UTRN: variants seen among roughly 807,000 people sequenced by gnomAD.
UTRN encodes the protein dystrophin-related protein 1.
Under a neutral mutation model 463.9 loss-of-function variants are expected in UTRN, and 283 were observed. That is an observed-to-expected ratio of 0.61 (90% CI 0.55 to 0.67). UTRN has a LOEUF of 0.67. UTRN is among the 30% of genes least tolerant of loss of function. UTRN has a pLI of 0.00. For missense variants in UTRN, 3,922 were observed against 4,084.3 expected, an observed-to-expected ratio of 0.96 and a Z score of 1.08; for synonymous variants, 1,442 against 1,431.5, an observed-to-expected ratio of 1.01 and a Z score of -0.17.
At chr6:144,770,212 G>T (rs1291888268) in intron 58 of UTRN, among the ~76,000 whole-genome samples, 1 of 152,088 alleles carries the variant, frequency 6.6e-6, no homozygotes, top group African/African-American at 2.4e-5. Context: ...GAATTTCCAG[G>T]ATACATACCC....
At chr6:144,360,422 C>CTTAG (rs1778981046) in intron 2 of UTRN, among the ~76,000 whole-genome samples, 1 of 152,134 alleles carries the variant, frequency 6.6e-6, no homozygotes, top group South Asian at 2.1e-4. Context: ...ATCCATCCAC[C>CTTAG]TTAGCCTCTC....
chr6:144,614,625 T>C (rs763445822), intron 51 of UTRN, among the ~76,000 whole-genome samples: 1 of 152,194 alleles, frequency 6.6e-6, no homozygotes, highest in Non-Finnish European at 1.5e-5. Flanking sequence ...AGATATTCCC[T>C]GAACATTGCA....
At chr6:144,729,537 T>C (rs1267495369) in intron 53 of UTRN, among the ~76,000 whole-genome samples, 1 of 152,232 alleles carries the variant, frequency 6.6e-6, no homozygotes, top group Non-Finnish European at 1.5e-5. Context: ...TAGGTGGTTA[T>C]GTGTTTAATT....
intron 53 of UTRN, among the ~76,000 whole-genome samples, chr6:144,729,555 G>T (rs1788297294): frequency 6.6e-6 from 1 of 152,160 alleles, no homozygotes; most frequent in Non-Finnish European, 1.5e-5. Flanking sequence ...ATTTTAAGAG[G>T]ATAACAACAT....
Position 144,511,019 on chromosome 6 carries a change from T to C in UTRN, c.4840T>C (p.Leu1614=). 1 of 1,613,430 alleles carries C rather than the reference T, an allele frequency of 6.2e-7. No homozygotes were observed. Among genetic ancestry groups the C allele is most frequent in the Non-Finnish European group, 8.5e-7 (1 of 1,179,536 alleles). The change falls in exon 35 of 75, where the codon TTG becomes CTG. Residue 1614 remains leucine (L), a synonymous_variant. Coordinates refer to ENST00000367545, the MANE Select transcript of UTRN (RefSeq NM_007124.3). ...AGAGAGTAGTGCTGCCCTGCAAAACTTGATTGAGGGCAGTGAGCCTATTTT... is the reference window on the plus strand; with the variant it reads ...AGAGAGTAGTGCTGCCCTGCAAAACCTGATTGAGGGCAGTGAGCCTATTTT... ...ITESSAALQN[L]IEGSEPILEE...
At chr6:144,556,980 A>G (rs145286366) in intron 49 of UTRN, among the ~76,000 whole-genome samples, 177 bp from the exon 50 acceptor site, 2,252 of 152,286 alleles carry the variant, frequency 0.015, 31 homozygotes, top group Middle Eastern at 0.075. Flanking sequence ...GTTTCTTTTC[A>G]CTTCTACTAA....
At chr6:144,721,186 A>C (rs1324722544) in intron 53 of UTRN, among the ~76,000 whole-genome samples, 2 of 152,114 alleles carry the variant, frequency 1.3e-5, no homozygotes, top group East Asian at 3.9e-4. Context: ...GCGACTTCTA[A>C]AACATGATTT....
chr6:144,522,151 T>C lies in UTRN; in HGVS notation c.5713T>C (p.Phe1905Leu). 6.5e-7 allele frequency: 1 copy of C among 1,540,200 alleles called. No homozygotes were observed. Among genetic ancestry groups the C allele is most frequent in the Non-Finnish European group, 8.7e-7 (1 of 1,144,162 alleles). Residue 1905 changes from phenylalanine (F) to leucine (L), a missense_variant, in exon 40 of 75, where the codon TTT becomes CTT. This residue lies in a region of UTRN where 2,349 missense variants were observed against 2,303.8 expected (regional missense o/e 1.02). Coordinates refer to ENST00000367545, the MANE Select transcript of UTRN (RefSeq NM_007124.3). ...LNTAIYEDFSFQEDSLKNIKD... is the reference protein window; with the variant it reads ...LNTAIYEDFSLQEDSLKNIKD... ...CACTGCTATTTACGAAGACTTCTCT[T>C]TTCAGGAAGACTCTCTGAAGGTAGA... is the stretch of plus-strand genomic sequence containing the variant.
chr6:144,643,567 C>G (rs551020707), intron 51 of UTRN, among the ~76,000 whole-genome samples: 1 of 151,966 alleles, frequency 6.6e-6, no homozygotes, highest in Non-Finnish European at 1.5e-5. Flanking sequence ...GAGGCTGAGG[C>G]GGGCAGATCA....
At chr6:144,546,278 A>G (rs193236603) in intron 46 of UTRN, among the ~76,000 whole-genome samples, 107 of 152,144 alleles carry the variant, frequency 7.0e-4, no homozygotes, top group African/African-American at 2.5e-3. Flanking sequence ...GGCTGTGTGT[A>G]ATGGGTTCTT....
chr6:144,463,804 A>G (rs1056321586), intron 23 of UTRN, among the ~76,000 whole-genome samples: 4 of 151,690 alleles, frequency 2.6e-5, no homozygotes, highest in African/African-American at 4.8e-5. Context: ...ATCTCTGTAT[A>G]TCTATCTATC....
chr6:144,790,736 A>G (rs1336857312), intron 62 of UTRN, among the ~76,000 whole-genome samples: 2 of 152,218 alleles, frequency 1.3e-5, no homozygotes, highest in Non-Finnish European at 2.9e-5. Context: ...ATCTTTTTAT[A>G]ATGATCAGGA....
At chr6:144,706,206 G>T (rs528980956) in intron 53 of UTRN, among the ~76,000 whole-genome samples, 1 of 147,198 alleles carries the variant, frequency 6.8e-6, no homozygotes, top group Non-Finnish European at 1.5e-5. Flanking sequence ...GTAAGAGATT[G>T]CTCTATATTT....
intron 52 of UTRN, among the ~76,000 whole-genome samples, chr6:144,692,546 C>G (rs1783540083): frequency 6.6e-6 from 1 of 152,172 alleles, no homozygotes; most frequent in African/African-American, 2.4e-5. Flanking sequence ...TCAACCTTGT[C>G]AGCATCTGTT....
At chr6:144,628,030 A>T (rs1409074678) in intron 51 of UTRN, among the ~76,000 whole-genome samples, 1 of 151,368 alleles carries the variant, frequency 6.6e-6, no homozygotes, top group African/African-American at 2.4e-5. Flanking sequence ...CGAACTCCTG[A>T]CCTCGTGATC....
intron 60 of UTRN, among the ~76,000 whole-genome samples, chr6:144,776,431 C>T (rs1356426620): frequency 6.6e-6 from 1 of 152,178 alleles, no homozygotes; most frequent in African/African-American, 2.4e-5. Context: ...CAAATCTCCA[C>T]CCAGCATAAG....
At chr6:144,407,099 C>G (rs1783489246) in intron 3 of UTRN, among the ~76,000 whole-genome samples, 1 of 152,006 alleles carries the variant, frequency 6.6e-6, no homozygotes, top group South Asian at 2.1e-4. Context: ...TGTATACTCT[C>G]AAAGTGTTAT....
In UTRN at chr6:144,836,494, A is replaced by C. The variant is rs767912112; in HGVS notation, c.10018A>C (p.Lys3340Gln). The C allele has an allele frequency of 1.9e-5, 31 of 1,613,858 alleles. No individual in the cohort carries two copies. Among genetic ancestry groups the C allele is most frequent in the Admixed American group, 3.3e-5 (2 of 60,002 alleles). Residue 3340 changes from lysine (K) to glutamine (Q), a missense_variant, in exon 71 of 75, where the codon AAA becomes CAA. This residue lies in a region of UTRN where 1,309 missense variants were observed against 1,452.6 expected (regional missense o/e 0.90). Transcript: ENST00000367545. ...GATGCAGATTTTAGAAGATCACAAT[A>C]AACAGCTGGAGTCTCAGCTCCACCG... ...ARMQILEDHNKQLESQLHRLR... is the reference protein window; with the variant it reads ...ARMQILEDHNQQLESQLHRLR...
chr6:144,572,078 T>G (rs1218642902), intron 50 of UTRN, among the ~76,000 whole-genome samples: 1 of 152,170 alleles, frequency 6.6e-6, no homozygotes, highest in African/African-American at 2.4e-5. Flanking sequence ...GATTTCCTCA[T>G]TTTGTCTGAG....
Sources: allele counts gnomAD v4.1 joint callset (sites outside exome capture counted in the v4.1 genomes callset), GRCh38; gene constraint gnomAD v4.1.1; regional missense constraint gnomAD v4.1.1; transcripts MANE v1.5; gene names NCBI Gene and HGNC (gene_info 2026-07-23, HGNC 2026-07-21).